Variants in NOTCH2NLC observed in about 807,000 individuals in gnomAD.
NOTCH2NLC encodes notch 2 N-terminal like C.
Under a neutral mutation model 17.7 loss-of-function variants are expected in NOTCH2NLC, and 4 were observed. The ratio of observed to expected loss-of-function variants is 0.23; its 90% CI spans 0.11 to 0.52. The LOEUF is 0.52. Among genes scored for constraint, NOTCH2NLC ranks in the 20% least tolerant of loss-of-function variants. The probability of loss-of-function intolerance (pLI) is 0.96; values close to 1 mark genes in which losing one functional copy is unlikely to be tolerated. For missense variants in NOTCH2NLC, 57 were observed against 207.2 expected, an observed-to-expected ratio of 0.28 and a Z score of 4.45; for synonymous variants, 18 against 86.0, an observed-to-expected ratio of 0.21 and a Z score of 4.38.
At chr1:149,463,017 G>A (rs1418128614) in intron 3 of NOTCH2NLC, among the ~76,000 whole-genome samples, 13 of 147,346 alleles carry the variant, frequency 8.8e-5, no homozygotes, top group Non-Finnish European at 6.1e-5. Context: ...TGTATTTTTA[G>A]TAGAGACAGG....
chr1:149,393,587 G>C (rs1211159614), intron 1 of NOTCH2NLC, among the ~76,000 whole-genome samples: 3 of 148,078 alleles, frequency 2.0e-5, no homozygotes, highest in Non-Finnish European at 3.0e-5. Flanking sequence ...CTTGCTCCTT[G>C]TTTTCTTTTG....
At chr1:149,401,909 C>G (rs1238357709) in intron 1 of NOTCH2NLC, among the ~76,000 whole-genome samples, 5 of 116,470 alleles carry the variant, frequency 4.3e-5, no homozygotes, top group Non-Finnish European at 9.0e-5. Flanking sequence ...CAAACAACCT[C>G]CAACATTTCT....
chr1:149,435,886 G>A (rs1283438996), intron 2 of NOTCH2NLC, among the ~76,000 whole-genome samples: 48 of 148,346 alleles, frequency 3.2e-4, no homozygotes, highest in Admixed American at 2.2e-3. Context: ...GAACTGGGGT[G>A]TACCTTCACG....
intron 1 of NOTCH2NLC, among the ~76,000 whole-genome samples, chr1:149,413,106 CCAT>C (rs1432751210): frequency 3.3e-5 from 5 of 150,036 alleles, no homozygotes; most frequent in Non-Finnish European, 7.4e-5. Flanking sequence ...CGTGGTTTCA[CCAT>C]GTTGGTCAGG....
intron 1 of NOTCH2NLC, among the ~76,000 whole-genome samples, chr1:149,397,983 A>T: frequency 7.2e-6 from 1 of 139,474 alleles, no homozygotes; most frequent in South Asian, 2.4e-4. Context: ...AGGAGCTGAC[A>T]TCATCATGGA....
chr1:149,429,879 A>C (rs1263613991), intron 1 of NOTCH2NLC, among the ~76,000 whole-genome samples: 2 of 150,686 alleles, frequency 1.3e-5, no homozygotes, highest in Non-Finnish European at 3.0e-5. Flanking sequence ...TAACTATCAT[A>C]AGAGATGGAC....
Position 149,460,905 on chromosome 1 carries a change from TTCTTTCTTTC to T in NOTCH2NLC, c.470-2582_470-2573del, listed in dbSNP as rs1430474074. ...TTTCTTTCTTTCTTTCTTTCTTTCT[TTCTTTCTTTC>T]TCTCTCTTTCTCTCTTTCTCTCTCT... On this transcript the variant is annotated intron_variant, in intron 3 of 4. Coordinates refer to ENST00000650865, the MANE Select transcript of NOTCH2NLC (RefSeq NM_001364013.2). Among the ~76,000 whole-genome samples the T allele has an allele frequency of 4.3e-5, 3 of 70,518 alleles. 1 individual carries two copies. The highest frequency in any genetic ancestry group is 1.1e-4 in the African/African-American group (2 of 18,644). 46.3% of individuals were successfully genotyped at this position (70,518 alleles called of 152,430 possible). A position where few individuals can be genotyped will look rare whatever the true frequency, so the allele number is the denominator to read the frequency against.
In NOTCH2NLC at chr1:149,461,230, C is replaced by T. The variant is rs1435855397; in HGVS notation, c.470-2261C>T. Among the ~76,000 whole-genome samples the T allele has an allele frequency of 5.8e-4, 86 of 149,490 alleles. 4 individuals are homozygous for T. The highest frequency in any genetic ancestry group is 7.5e-4 in the Non-Finnish European group (50 of 67,052). ...GATTACAGGCATCAGCCACCACTTCCGGCCCAGGGATCTTTCCGTTTCAGT... is the reference window on the plus strand; with the variant it reads ...GATTACAGGCATCAGCCACCACTTCTGGCCCAGGGATCTTTCCGTTTCAGT... On this transcript the variant is annotated intron_variant, in intron 3 of 4. Transcript: ENST00000650865.
At chr1:149,448,986 A>T (rs1290618462) in intron 2 of NOTCH2NLC, among the ~76,000 whole-genome samples, 6 of 143,566 alleles carry the variant, frequency 4.2e-5, no homozygotes, top group Admixed American at 7.1e-5. Flanking sequence ...GGTTCATGCC[A>T]TTCTCCTGCC....
At chr1:149,432,476 CA>C (rs2084458343) in intron 2 of NOTCH2NLC, among the ~76,000 whole-genome samples, 1 of 150,762 alleles carries the variant, frequency 6.6e-6, no homozygotes, top group African/African-American at 2.4e-5. Flanking sequence ...GAAAAAAAAA[CA>C]TGTGGTGCAT....
intron 1 of NOTCH2NLC, among the ~76,000 whole-genome samples, chr1:149,424,060 GC>G (rs1351902887): frequency 6.6e-6 from 1 of 151,166 alleles, no homozygotes; most frequent in Non-Finnish European, 1.5e-5. Flanking sequence ...CTAGGTAAAT[GC>G]CTAGAGGAAA....
At chr1:149,445,592 C>T (rs1368417053) in intron 2 of NOTCH2NLC, among the ~76,000 whole-genome samples, 12 of 150,540 alleles carry the variant, frequency 8.0e-5, no homozygotes, top group South Asian at 4.2e-4. Flanking sequence ...GCTGCCACTG[C>T]GGATTGGGGG....
chr1:149,445,793 G>T (rs2084548490), intron 2 of NOTCH2NLC, among the ~76,000 whole-genome samples: 1 of 147,368 alleles, frequency 6.8e-6, no homozygotes, highest in Non-Finnish European at 1.5e-5. Context: ...TAAAAATCAT[G>T]ACTTTGAAAT....
chr1:149,426,515 T>A (rs1321610788), intron 1 of NOTCH2NLC, among the ~76,000 whole-genome samples: 1 of 134,482 alleles, frequency 7.4e-6, no homozygotes, highest in East Asian at 2.5e-4. Context: ...GGCTTCTAGA[T>A]TTTTGTATTA....
intron 1 of NOTCH2NLC, among the ~76,000 whole-genome samples, chr1:149,419,857 T>TATA (rs2084369385): frequency 1.5e-4 from 11 of 72,538 alleles, no homozygotes; most frequent in African/African-American, 5.2e-4. Flanking sequence ...ATATATATAT[T>TATA]TTTTTTTTTT....
At chr1:149,419,853 ATATTTTTTTTTT>A (rs2084369090) in intron 1 of NOTCH2NLC, among the ~76,000 whole-genome samples, 6 of 110,890 alleles carry the variant, frequency 5.4e-5, no homozygotes, top group African/African-American at 1.8e-4. Context: ...ATATATATAT[ATATTTTTTTTTT>A]TTTTTTTTTT....
intron 1 of NOTCH2NLC, chr1:149,406,603 CAGAG>C: frequency 6.7e-6 from 1 of 149,784 alleles, no homozygotes; most frequent in South Asian, 2.1e-4. Context: ...GTTTTGGAAT[CAGAG>C]AGACTGGGCT....
chr1:149,419,747 C>T (rs1178003890), intron 1 of NOTCH2NLC, among the ~76,000 whole-genome samples: 1 of 148,898 alleles, frequency 6.7e-6, no homozygotes, highest in East Asian at 2.0e-4. Flanking sequence ...TTCTGTTGAC[C>T]AGGAGACCCA....
At chr1:149,437,431 C>A (rs2084488527) in intron 2 of NOTCH2NLC, among the ~76,000 whole-genome samples, 1 of 107,800 alleles carries the variant, frequency 9.3e-6, no homozygotes, top group Non-Finnish European at 2.0e-5. Flanking sequence ...CCTGGAAGAT[C>A]CTTGACTGGT....
Sources: allele counts gnomAD v4.1 joint callset (sites outside exome capture counted in the v4.1 genomes callset), GRCh38; gene constraint gnomAD v4.1.1; transcripts MANE v1.5; gene names NCBI Gene and HGNC (gene_info 2026-07-23, HGNC 2026-07-21).